RUNX3: variants seen among roughly 807,000 people sequenced by gnomAD.
The protein encoded by RUNX3 is runt-related transcription factor 3.
RUNX3 carries 10 observed loss-of-function variants against 27.7 expected under a neutral mutation model. The observed-to-expected ratio is 0.36, with a 90% confidence interval of 0.22 to 0.61. The LOEUF (loss-of-function observed/expected upper bound fraction) is 0.61, where lower values mean the gene tolerates loss of function less well. RUNX3 is among the 20% of genes least tolerant of loss of function. RUNX3 has a pLI of 0.72. For missense variants in RUNX3, 469 were observed against 629.5 expected, an observed-to-expected ratio of 0.75 and a Z score of 2.73; for synonymous variants, 270 against 269.2, an observed-to-expected ratio of 1.00 and a Z score of -0.03.
intron 4 of RUNX3, 106 bp downstream of exon 4, chr1:24,907,153 G>A (rs984954449): frequency 1.7e-6 from 2 of 1,167,082 alleles, no homozygotes; most frequent in South Asian, 3.0e-5. Flanking sequence ...ACAAGGGGGT[G>A]CAGTGACTGA....
Position 24,921,057 on chromosome 1 carries a change from A to G in RUNX3, c.440-1713T>C, listed in dbSNP as rs942447620. ...TGTGGGTAGGGGCCAATGGTCTCGCACTCTCACCTGTACCCCAGGGCTGGC... is the reference window on the plus strand; with the variant it reads ...TGTGGGTAGGGGCCAATGGTCTCGCGCTCTCACCTGTACCCCAGGGCTGGC... On this transcript the variant is annotated intron_variant, in intron 2 of 4. Coordinates refer to ENST00000308873, the MANE Select transcript of RUNX3 (RefSeq NM_004350.3). Among the ~76,000 whole-genome samples, 8 of 152,010 alleles carry G rather than the reference A, an allele frequency of 5.3e-5. No individual in the cohort carries two copies. In the South Asian group the frequency reaches 1.7e-3, roughly 32 times the overall value.
chr1:24,924,480 CTTTT>C, intron 2 of RUNX3, among the ~76,000 whole-genome samples: 1 of 144,108 alleles, frequency 6.9e-6, no homozygotes, highest in South Asian at 2.2e-4. Context: ...AAAGACAGTT[CTTTT>C]TTTTTTTTTA....
At chr1:24,908,808 C>G (rs1050899527) in intron 3 of RUNX3, among the ~76,000 whole-genome samples, 1 of 152,218 alleles carries the variant, frequency 6.6e-6, no homozygotes, top group African/African-American at 2.4e-5. Context: ...TCTACAAGAA[C>G]AATGGGAGGT....
chr1:24,926,142 C>A (rs528969921), intron 2 of RUNX3, among the ~76,000 whole-genome samples: 1 of 152,202 alleles, frequency 6.6e-6, no homozygotes, highest in Non-Finnish European at 1.5e-5. Context: ...CTGACACATA[C>A]CTGGGCTAGC....
intron 2 of RUNX3, among the ~76,000 whole-genome samples, chr1:24,960,483 T>A (rs1642078534): frequency 6.6e-6 from 1 of 152,136 alleles, no homozygotes; most frequent in Non-Finnish European, 1.5e-5. Flanking sequence ...TTTTGGGAAA[T>A]GACTGACTAA....
upstream of RUNX3, chr1:24,930,328 G>C (rs1641197120): frequency 1.4e-6 from 1 of 689,842 alleles, no homozygotes; most frequent in Admixed American, 6.3e-5. This position sits in a 1 kb window ranked among gnomAD's most constrained non-coding sequence, Gnocchi z 4.1. Flanking sequence ...CGCGGGGCGG[G>C]GCTGGCGGAG....
At chr1:24,964,817 AG>A (rs1338704806) in intron 1 of RUNX3, 2 of 1,030,734 alleles carry the variant, frequency 1.9e-6, no homozygotes, top group Non-Finnish European at 2.7e-6. Context: ...CCCCAAGGAA[AG>A]TAAGTTTCTG....
intron 2 of RUNX3, among the ~76,000 whole-genome samples, chr1:24,959,372 G>A (rs935052084): frequency 6.6e-6 from 1 of 152,202 alleles, no homozygotes; most frequent in Non-Finnish European, 1.5e-5. Context: ...GACAGGCAGG[G>A]TGGTCTGGGG....
intron 3 of RUNX3, among the ~76,000 whole-genome samples, chr1:24,915,476 A>G (rs1640872479): frequency 6.6e-6 from 1 of 152,166 alleles, no homozygotes; most frequent in Admixed American, 6.5e-5. Flanking sequence ...GAAACAAACT[A>G]TCGGACTAGA....
In RUNX3 at chr1:24,904,799, G is replaced by A. The variant is rs914294840; in HGVS notation, c.704-2133C>T. 1.3e-5 allele frequency among the ~76,000 whole-genome samples: 2 copies of A among 151,990 alleles called. No individual in the cohort carries two copies. The highest frequency in any genetic ancestry group is 4.8e-5 in the African/African-American group (2 of 41,392). On this transcript the variant is annotated intron_variant, in intron 4 of 4. Coordinates refer to ENST00000308873, the MANE Select transcript of RUNX3 (RefSeq NM_004350.3). The surrounding 1 kb of genome is among the most constrained non-coding windows in gnomAD (Gnocchi z 5.7). ...CACCACCCCTCCTCCGGGGTGGTGG[G>A]GGAAGTACCTGCCCTCAGCACTCCC...
chr1:24,948,012 A>G (rs1571349028), intron 2 of RUNX3, among the ~76,000 whole-genome samples: 1 of 152,228 alleles, frequency 6.6e-6, no homozygotes, highest in East Asian at 1.9e-4. Flanking sequence ...GGGACCCTCC[A>G]GACATCACTG....
rs189095160 is a variant in RUNX3, at chr1:24,907,672, C to A, written c.545-255G>T. Among the ~76,000 whole-genome samples the A allele has an allele frequency of 2.6e-5, 4 of 152,022 alleles. No individual in the cohort carries two copies. The East Asian group carries it at 7.7e-4, about 29-fold the overall frequency. Reference sequence around the variant, plus strand: ...CCAAACCTCTACAACACGCGGTGATCTAAACCTCTACAACACGCGGTGATC... The same window carrying A: ...CCAAACCTCTACAACACGCGGTGATATAAACCTCTACAACACGCGGTGATC... On this transcript the variant is annotated intron_variant, in intron 3 of 4. Transcript: ENST00000308873.
rs375258223 is a variant in RUNX3 at position 24,907,254 on chromosome 1, C to G, written c.703+5G>C. The G allele has an allele frequency of 7.5e-4, 1,211 of 1,608,344 alleles. 1 individual carries two copies. Among genetic ancestry groups the G allele is most frequent in the Non-Finnish European group, 9.8e-4 (1,156 of 1,179,894 alleles). On this transcript the variant is annotated splice_donor_5th_base_variant and intron_variant, in intron 4 of 4. Coordinates refer to ENST00000308873, the MANE Select transcript of RUNX3 (RefSeq NM_004350.3). ...CCCGCTGCAGCCCCTCCCTCCGTGC[C>G]GTACCTTGGATTGGGGTCTGGGGCT...
intron 2 of RUNX3, among the ~76,000 whole-genome samples, chr1:24,948,805 G>C (rs1354703781): frequency 6.6e-6 from 1 of 152,008 alleles, no homozygotes; most frequent in Non-Finnish European, 1.5e-5. Flanking sequence ...GAGGCCACAG[G>C]GCTCAAATGC....
chr1:24,940,724 G>T (rs575782674), intron 2 of RUNX3, among the ~76,000 whole-genome samples: 8 of 143,926 alleles, frequency 5.6e-5, no homozygotes, highest in African/African-American at 1.8e-4. Flanking sequence ...GTGAGACTCT[G>T]TATCTACCAA....
At chr1:24,960,103 C>T (rs980481682) in intron 2 of RUNX3, among the ~76,000 whole-genome samples, 1 of 152,242 alleles carries the variant, frequency 6.6e-6, no homozygotes, top group Admixed American at 6.5e-5. Context: ...CCTGGTTCTT[C>T]TCCCAAAAAA....
intron 3 of RUNX3, among the ~76,000 whole-genome samples, chr1:24,914,946 C>G (rs1015845752): frequency 2.6e-5 from 4 of 152,230 alleles, no homozygotes; most frequent in African/African-American, 9.6e-5. Context: ...GCACGCTCCA[C>G]TCCTTCTCCC....
chr1:24,949,467 C>A lies in RUNX3; in HGVS notation c.58+15047G>T, dbSNP rs150372581. Among the ~76,000 whole-genome samples the A allele has an allele frequency of 2.4e-4, 36 of 152,288 alleles. No individual in the cohort carries two copies. In the East Asian group the frequency reaches 6.8e-3, roughly 29 times the overall value. ...CCCTGCCCAGCACCCACACCAAGGA[C>A]TTGGCGGATGTGAACGAGACAGAGA... On this transcript the variant is annotated intron_variant, in intron 2 of 6. Coordinates refer to the RUNX3 transcript ENST00000338888.
chr1:24,902,906 C>A lies in RUNX3; in HGVS notation c.704-240G>T, dbSNP rs569825548. ...CCAAGAGGGGCCATGGGAGCCCCCC[C>A]ACAGCAGCAACAGAACAGAGGAGGG... On this transcript the variant is annotated intron_variant, in intron 4 of 4. Transcript: ENST00000308873. This position sits in a 1 kb window ranked among gnomAD's most constrained non-coding sequence, Gnocchi z 9.2. Among the ~76,000 whole-genome samples, 86 of 152,314 alleles carry A rather than the reference C, an allele frequency of 5.6e-4. No individual in the cohort carries two copies. The highest frequency in any genetic ancestry group is 9.7e-4 in the Non-Finnish European group (66 of 68,012).
Sources: gnomAD v4.1 joint callset for allele counts (sites outside exome capture counted in the v4.1 genomes callset) on GRCh38, gnomAD v4.1.1 for gene constraint, Gnocchi (gnomAD v3.1) non-coding constraint, MANE v1.5 for transcripts, NCBI Gene and HGNC (gene_info 2026-07-23, HGNC 2026-07-21) for gene names.